Variants in CEP128 observed in about 807,000 individuals in gnomAD.
The protein encoded by CEP128 is centrosomal protein 128.
CEP128 carries 132 observed loss-of-function variants against 156.7 expected under a neutral mutation model. That is an observed-to-expected ratio of 0.84 (90% CI 0.73 to 0.97). CEP128 has a LOEUF of 0.97. CEP128 is among the 50% of genes least tolerant of loss of function. The probability of loss-of-function intolerance (pLI) is 0.00; values close to 1 mark genes in which losing one functional copy is unlikely to be tolerated. For missense variants in CEP128, 1,252 were observed against 1,281.9 expected (o/e 0.98, Z 0.36); for synonymous variants, 469 against 448.9 (o/e 1.04, Z -0.57).
intron 21 of CEP128, among the ~76,000 whole-genome samples, chr14:80,558,536 C>A (rs1890535373): frequency 6.6e-6 from 1 of 152,130 alleles, no homozygotes; most frequent in African/African-American, 2.4e-5. Flanking sequence ...GATCCACCCG[C>A]CTCGGCCTCC....
At chr14:80,576,020 A>G (rs976596719) in intron 20 of CEP128, among the ~76,000 whole-genome samples, 3 of 152,052 alleles carry the variant, frequency 2.0e-5, no homozygotes, top group African/African-American at 7.2e-5. Flanking sequence ...CATAGGTAAC[A>G]CTGTGAAGCT....
At chr14:80,939,097 G>C (rs1232578309) in intron 2 of CEP128, among the ~76,000 whole-genome samples, 1 of 152,160 alleles carries the variant, frequency 6.6e-6, no homozygotes, top group African/African-American at 2.4e-5. Context: ...CCTGTAAAAG[G>C]TGTCTGACAG....
intron 21 of CEP128, among the ~76,000 whole-genome samples, chr14:80,532,891 G>A (rs1346821922): frequency 6.6e-6 from 1 of 152,144 alleles, no homozygotes; most frequent in Admixed American, 6.5e-5. Flanking sequence ...CTGCCATTCT[G>A]AAAGGGAAGT....
At chr14:80,943,185 A>C (rs543229550), upstream of CEP128, among the ~76,000 whole-genome samples, 3 of 152,260 alleles carry the variant, frequency 2.0e-5, no homozygotes, top group Non-Finnish European at 4.4e-5. Flanking sequence ...TATGCTGTAT[A>C]TTTCTAGTAT....
At chr14:80,486,838 T>G (rs1445205950), downstream of CEP128, among the ~76,000 whole-genome samples, 1 of 152,122 alleles carries the variant, frequency 6.6e-6, no homozygotes, top group African/African-American at 2.4e-5. Flanking sequence ...AGAGATTTTG[T>G]CACCACCAGG....
rs376350411 is a variant in CEP128, at chr14:80,755,407, A to G, written c.2613+1485T>C. On this transcript the variant is annotated intron_variant, in intron 18 of 24. Coordinates refer to ENST00000555265, the MANE Select transcript of CEP128 (RefSeq NM_152446.5). ...CATCTCAACCCTCTTCCTTCCTGTA[A>G]TTTCTTATTATTACCATTCATTAGC... Among the ~76,000 whole-genome samples the G allele has an allele frequency of 3.9e-5, 6 of 151,968 alleles. No homozygotes were observed. The East Asian group carries it at 9.7e-4, about 24-fold the overall frequency.
intron 19 of CEP128, among the ~76,000 whole-genome samples, chr14:80,717,127 G>T (rs1897635791): frequency 6.6e-6 from 1 of 152,106 alleles, no homozygotes; most frequent in South Asian, 2.1e-4. Flanking sequence ...CAAAGGCAAG[G>T]TTAATTTAGA....
chr14:80,955,691 C>A (rs1347451255), intron 2 of CEP128: 1 of 1,613,882 alleles, frequency 6.2e-7, no homozygotes, highest in African/African-American at 1.3e-5. Flanking sequence ...ATGAGGCCGG[C>A]GGACTTGCTG....
intron 19 of CEP128, among the ~76,000 whole-genome samples, chr14:80,684,150 G>A (rs538858828): frequency 6.4e-4 from 98 of 152,170 alleles, no homozygotes; most frequent in African/African-American, 2.3e-3. Context: ...CCAACGGAAT[G>A]AAAAGTTGGT....
chr14:80,764,623 C>A (rs1900149100), intron 16 of CEP128, among the ~76,000 whole-genome samples: 2 of 152,136 alleles, frequency 1.3e-5, no homozygotes, highest in African/African-American at 4.8e-5. Flanking sequence ...ACTATGGGCT[C>A]ACATGGATCT....
At chr14:80,647,057 A>ATGTGTG (rs1894679554) in intron 19 of CEP128, among the ~76,000 whole-genome samples, 31 of 34,988 alleles carry the variant, frequency 8.9e-4, no homozygotes, top group Non-Finnish European at 1.3e-3. Flanking sequence ...ATATATATAT[A>ATGTGTG]TATATATATA....
chr14:80,801,092 T>C (rs762657114), intron 13 of CEP128, among the ~76,000 whole-genome samples: 20 of 152,160 alleles, frequency 1.3e-4, no homozygotes, highest in Non-Finnish European at 2.6e-4. Context: ...TAAAGAGAGA[T>C]TAAAAAATAA....
chr14:80,785,060 G>T lies in CEP128; in HGVS notation c.2046C>A (p.Ile682=), dbSNP rs754422152. ...AKSRDEETAT[I]ITQLKLERDV... ...CTCGTTCCAGCTTTAACTGTGTGAT[G>T]ATTGTAGCTGTTTCTTCATCCCTGG... Residue 682 remains isoleucine (I), a synonymous_variant, in exon 15 of 25, where the codon ATC becomes ATA. Transcript: ENST00000555265. The T allele has an allele frequency of 1.2e-6, 2 of 1,614,080 alleles. No homozygotes were observed. The highest frequency in any genetic ancestry group is 1.7e-6 in the Non-Finnish European group (2 of 1,180,012).
chr14:80,525,936 T>A (rs900883304), intron 23 of CEP128, among the ~76,000 whole-genome samples: 10 of 152,142 alleles, frequency 6.6e-5, no homozygotes, highest in African/African-American at 9.7e-5. Context: ...ATATACAGTG[T>A]AATGAATATT....
At chr14:80,902,841 T>G (rs1247754671) in intron 6 of CEP128, among the ~76,000 whole-genome samples, 1 of 152,166 alleles carries the variant, frequency 6.6e-6, no homozygotes, top group Non-Finnish European at 1.5e-5. Context: ...GTAGCAGACT[T>G]AGCAGGGCTT....
intron 13 of CEP128, among the ~76,000 whole-genome samples, chr14:80,824,977 G>A (rs1367667934): frequency 1.3e-5 from 2 of 152,192 alleles, no homozygotes; most frequent in African/African-American, 2.4e-5. Context: ...GGTTCACGTG[G>A]CTGGGGGAGC....
chr14:80,652,179 TA>T (rs910754674), intron 19 of CEP128, among the ~76,000 whole-genome samples: 35 of 151,716 alleles, frequency 2.3e-4, no homozygotes, highest in Admixed American at 1.8e-3. Flanking sequence ...TTACACCCTA[TA>T]AAAAAATTAA....
chr14:80,752,469 T>A (rs327447), intron 18 of CEP128, among the ~76,000 whole-genome samples: 52,136 of 152,044 alleles, frequency 0.34, 9,364 homozygotes, highest in South Asian at 0.48. Context: ...TAACTGAATA[T>A]ATTCCACGTA....
At chr14:80,916,865 C>T (rs900452524) in intron 2 of CEP128, among the ~76,000 whole-genome samples, 4 of 152,312 alleles carry the variant, frequency 2.6e-5, no homozygotes, top group South Asian at 2.1e-4. Context: ...AGTATTGTCA[C>T]ATTTAGTACC....
Sources: gnomAD v4.1 joint callset for allele counts (sites outside exome capture counted in the v4.1 genomes callset) on GRCh38, gnomAD v4.1.1 for gene constraint, MANE v1.5 for transcripts, NCBI Gene and HGNC (gene_info 2026-07-23, HGNC 2026-07-21) for gene names.